The following SLC24A2 variants were observed in gnomAD, a reference collection of about 807,000 sequenced individuals.
SLC24A2 encodes solute carrier family 24 member 2, also known as sodium/potassium/calcium exchanger 2.
SLC24A2 carries 36 observed loss-of-function variants against 62.0 expected under a neutral mutation model. The observed-to-expected ratio is 0.58, with a 90% confidence interval of 0.44 to 0.77. The LOEUF is 0.77. Ranked by LOEUF, SLC24A2 falls within the 30% of genes least tolerant of loss-of-function variation. The pLI, the probability that SLC24A2 is intolerant of heterozygous loss-of-function variation, is 0.00. For synonymous variants in SLC24A2, 358 were observed against 294.0 expected (o/e 1.22, Z -2.23); for missense variants, 846 against 817.9 (o/e 1.03, Z -0.42).
At chr9:20,175,019 A>T in the SLC24A2 span, among the ~76,000 whole-genome samples, 1,541 of 149,938 alleles carry the variant, frequency 0.01, 30 homozygotes, top group African/African-American at 0.034. Context: ...TGAATTTTTT[A>T]TATATATATA....
chr9:19,607,192 G>A (rs1837007657), intron 4 of SLC24A2, among the ~76,000 whole-genome samples: 1 of 152,156 alleles, frequency 6.6e-6, no homozygotes, highest in South Asian at 2.1e-4. Flanking sequence ...GAAGTCTTTG[G>A]TAAATGAAAG....
chr9:20,083,378 A>G, the SLC24A2 span, among the ~76,000 whole-genome samples: 1 of 152,218 alleles, frequency 6.6e-6, no homozygotes, highest in Non-Finnish European at 1.5e-5. Flanking sequence ...CATGCTTTTC[A>G]TGCCATAGCC....
chr9:19,555,326 A>G (rs1835029878), intron 7 of SLC24A2, among the ~76,000 whole-genome samples: 1 of 152,212 alleles, frequency 6.6e-6, no homozygotes. Context: ...TCTTCTGAGA[A>G]ACTGAAAAAT....
At chr9:19,573,728 C>A (rs549408452) in intron 6 of SLC24A2, among the ~76,000 whole-genome samples, 1 of 152,064 alleles carries the variant, frequency 6.6e-6, no homozygotes, top group Non-Finnish European at 1.5e-5. Context: ...TACGGCCTGC[C>A]CCCTTAATAG....
At chr9:20,269,293 T>C in the SLC24A2 span, among the ~76,000 whole-genome samples, 68 of 152,118 alleles carry the variant, frequency 4.5e-4, 1 homozygote, top group South Asian at 2.1e-4. Context: ...GTTGTATAGG[T>C]AAGAAAAGGA....
chr9:19,589,309 T>C (rs1275346164), intron 5 of SLC24A2, among the ~76,000 whole-genome samples: 1 of 152,112 alleles, frequency 6.6e-6, no homozygotes, highest in Non-Finnish European at 1.5e-5. Flanking sequence ...ACGAAGAAAG[T>C]CTAAATGTGC....
At chr9:19,932,090 G>A in the SLC24A2 span, among the ~76,000 whole-genome samples, 5 of 152,166 alleles carry the variant, frequency 3.3e-5, no homozygotes, top group Non-Finnish European at 5.9e-5. Context: ...AAACATGAGC[G>A]TATTGAAACA....
chr9:19,557,953 G>A (rs1835181388), intron 7 of SLC24A2, among the ~76,000 whole-genome samples: 1 of 151,506 alleles, frequency 6.6e-6, no homozygotes, highest in Non-Finnish European at 1.5e-5. Context: ...CCAAGTAGCT[G>A]AGACTACACG....
At chr9:19,687,142 A>T (rs1409379942) in intron 2 of SLC24A2, among the ~76,000 whole-genome samples, 1 of 152,052 alleles carries the variant, frequency 6.6e-6, no homozygotes, top group Non-Finnish European at 1.5e-5. Flanking sequence ...GTGGAGAATG[A>T]GAGGAGGGTG....
chr9:19,966,774 A>G, the SLC24A2 span, among the ~76,000 whole-genome samples: 1 of 152,346 alleles, frequency 6.6e-6, no homozygotes, highest in East Asian at 1.9e-4. Context: ...TTAACAGAGT[A>G]GTGGAATGCG....
chr9:19,784,634 G>A (rs1355424949), intron 2 of SLC24A2, among the ~76,000 whole-genome samples: 2 of 152,206 alleles, frequency 1.3e-5, no homozygotes, highest in African/African-American at 4.8e-5. Context: ...CTAAGTTAGA[G>A]TAGGGGAGAA....
At chr9:19,571,260 G>A (rs1835828872) in intron 7 of SLC24A2, among the ~76,000 whole-genome samples, 1 of 152,200 alleles carries the variant, frequency 6.6e-6, no homozygotes, top group Non-Finnish European at 1.5e-5. Flanking sequence ...TGGGCAGGAA[G>A]GTAAGGAGCA....
chr9:19,739,180 AACT>A (rs1006321689), intron 2 of SLC24A2, among the ~76,000 whole-genome samples: 5 of 152,220 alleles, frequency 3.3e-5, no homozygotes, highest in African/African-American at 1.2e-4. Context: ...TGCTACAAAA[AACT>A]ACATTATTTA....
At chr9:20,093,955 T>C in the SLC24A2 span, among the ~76,000 whole-genome samples, 1 of 152,132 alleles carries the variant, frequency 6.6e-6, no homozygotes, top group East Asian at 1.9e-4. Context: ...TCACAGAAAT[T>C]TGAAATTAAA....
the SLC24A2 span, among the ~76,000 whole-genome samples, chr9:19,976,806 A>G: frequency 6.6e-6 from 1 of 152,222 alleles, no homozygotes; most frequent in Non-Finnish European, 1.5e-5. Context: ...CTTTCAGGAC[A>G]TGCTCATTGG....
chr9:20,208,780 C>A, the SLC24A2 span, among the ~76,000 whole-genome samples: 1 of 152,156 alleles, frequency 6.6e-6, no homozygotes, highest in Admixed American at 6.5e-5. Flanking sequence ...GACCGTGTTA[C>A]GGGAAAACCC....
chr9:19,748,819 A>G (rs1006531772), intron 2 of SLC24A2, among the ~76,000 whole-genome samples: 1 of 152,016 alleles, frequency 6.6e-6, no homozygotes, highest in African/African-American at 2.4e-5. Flanking sequence ...CACAAAGTAC[A>G]GTTCAGCCAC....
At chr9:20,152,627 A>G in the SLC24A2 span, among the ~76,000 whole-genome samples, 2 of 151,910 alleles carry the variant, frequency 1.3e-5, no homozygotes, top group South Asian at 4.1e-4. Context: ...AATCCAAACA[A>G]TCAGTCTGGG....
chr9:19,963,256 A>G, the SLC24A2 span, among the ~76,000 whole-genome samples: 2 of 147,374 alleles, frequency 1.4e-5, no homozygotes, highest in African/African-American at 5.0e-5. Context: ...ACCTAAAACC[A>G]TAAAAACCCT....
Sources: gnomAD v4.1 joint callset for allele counts (sites outside exome capture counted in the v4.1 genomes callset) on GRCh38, gnomAD v4.1.1 for gene constraint, MANE v1.5 for transcripts, NCBI Gene and HGNC (gene_info 2026-07-23, HGNC 2026-07-21) for gene names.